ELAVL1: variants seen among roughly 807,000 people sequenced by gnomAD.
ELAVL1 encodes the protein ELAV-like protein 1.
A neutral mutation model predicts 28.4 loss-of-function variants in ELAVL1; 1 was observed. That is an observed-to-expected ratio of 0.04 (90% confidence interval 0.01 to 0.17). The LOEUF is 0.17. Ranked by LOEUF, ELAVL1 falls within the 10% of genes least tolerant of loss-of-function variation. The pLI is 1.00. For missense variants in ELAVL1, 157 were observed against 447.2 expected, an observed-to-expected ratio of 0.35 and a Z score of 5.85; for synonymous variants, 174 against 183.5, an observed-to-expected ratio of 0.95 and a Z score of 0.42.
At chr19:8,004,805 C>T (rs554671671) in intron 1 of ELAVL1, among the ~76,000 whole-genome samples, 83 of 152,248 alleles carry the variant, frequency 5.5e-4, no homozygotes, top group African/African-American at 1.8e-3. Context: ...TTTTAACAAG[C>T]CCCGCAGCCC....
chr19:7,966,938 T>C (rs1392772574), intron 5 of ELAVL1, among the ~76,000 whole-genome samples: 2 of 151,954 alleles, frequency 1.3e-5, no homozygotes, highest in African/African-American at 4.8e-5. Flanking sequence ...TCTTTAAAGC[T>C]CGCGGCTCCG....
At chr19:7,992,445 G>A (rs1734399396) in intron 1 of ELAVL1, among the ~76,000 whole-genome samples, 2 of 152,294 alleles carry the variant, frequency 1.3e-5, no homozygotes, top group African/African-American at 4.8e-5. Context: ...AAAGAAATGA[G>A]CTATTAAGCT....
chr19:7,965,276 A>G (rs1027848340), intron 5 of ELAVL1, among the ~76,000 whole-genome samples: 2 of 152,146 alleles, frequency 1.3e-5, no homozygotes, highest in African/African-American at 4.8e-5. Context: ...GAAAGGGTCT[A>G]TGTTGTCCAG....
At chr19:7,988,344 A>G (rs904599545) in intron 2 of ELAVL1, among the ~76,000 whole-genome samples, 1 of 152,132 alleles carries the variant, frequency 6.6e-6, no homozygotes, top group Non-Finnish European at 1.5e-5. Context: ...GGCAGCTGGG[A>G]GCCATGAGGT....
Position 7,959,050 on chromosome 19 carries a change from C to T in ELAVL1, c.*4433G>A, listed in dbSNP as rs574932815. ...TAAAACACTAAAGAACATTTATTCA[C>T]AAGGATTAAAAAAAAAAAATAAAAA... On this transcript the variant is annotated 3_prime_UTR_variant, in exon 6 of 6. Transcript: ENST00000407627. The T allele has an allele frequency of 2.1e-5, 3 of 140,132 alleles. No individual in the cohort carries two copies. The South Asian group carries it at 6.8e-4, about 32-fold the overall frequency. The allele number at this position is 140,132 out of a possible 1,614,324, so 8.7% of individuals were successfully genotyped here.
intron 3 of ELAVL1, among the ~76,000 whole-genome samples, chr19:7,975,801 G>A (rs1985265452): frequency 6.6e-6 from 1 of 152,214 alleles, no homozygotes; most frequent in African/African-American, 2.4e-5. Context: ...TGTGACTGAT[G>A]TCCTTATAAA....
intron 2 of ELAVL1, among the ~76,000 whole-genome samples, chr19:7,990,367 C>T (rs936941288): frequency 2.0e-5 from 3 of 147,788 alleles, no homozygotes; most frequent in Non-Finnish European, 4.5e-5. Context: ...CAAGGTCTCA[C>T]TATGTTGCCC....
intron 1 of ELAVL1, among the ~76,000 whole-genome samples, chr19:8,001,182 T>C (rs1332883582): frequency 1.3e-5 from 2 of 152,172 alleles, no homozygotes; most frequent in African/African-American, 2.4e-5. Context: ...AAGGCGAATG[T>C]ATGTCTCCCC....
Position 7,979,177 on chromosome 19 carries a change from G to A in ELAVL1, c.276+1906C>T, listed in dbSNP as rs992193405. On this transcript the variant is annotated intron_variant, in intron 3 of 5. Coordinates refer to ENST00000407627, the MANE Select transcript of ELAVL1 (RefSeq NM_001419.3). The surrounding 1 kb of genome is among the most constrained non-coding windows in gnomAD (Gnocchi z 5.4). Reference sequence around the variant, plus strand: ...TTACTTAGGGCTGTCACGTCCCCATGAGGCTGGCCTGTTTCTGCAGAACTA... The same window carrying A: ...TTACTTAGGGCTGTCACGTCCCCATAAGGCTGGCCTGTTTCTGCAGAACTA... Among the ~76,000 whole-genome samples, 2 of 152,258 alleles carry A rather than the reference G, an allele frequency of 1.3e-5. No homozygotes were observed. Among genetic ancestry groups the A allele is most frequent in the Non-Finnish European group, 2.9e-5 (2 of 68,036 alleles).
chr19:7,988,738 C>A (rs1304717253), intron 2 of ELAVL1, among the ~76,000 whole-genome samples: 3 of 152,242 alleles, frequency 2.0e-5, no homozygotes, highest in African/African-American at 7.2e-5. Flanking sequence ...TGCTCAACAC[C>A]CTGCAGTGTC....
chr19:7,963,761 T>C lies in ELAVL1; in HGVS notation c.703A>G (p.Asn235Asp). 6.2e-7 allele frequency: 1 copy of C among 1,614,252 alleles called. No homozygotes were observed. ...CCGGAGGAGGCGTTTCCTGGCACGT[T>C]GACGCCAGAGAGCCCGCTCATGTGA... ...VDHMSGLSGV[N>D]VPGNASSGWC... The change falls in exon 6 of 6, where the codon AAC becomes GAC. Residue 235 changes from asparagine (N) to aspartate (D), a missense_variant. By Grantham distance (23) the Asn-to-Asp change is conservative. Coordinates refer to ENST00000407627, the MANE Select transcript of ELAVL1 (RefSeq NM_001419.3). The surrounding 1 kb of genome is among the most constrained non-coding windows in gnomAD (Gnocchi z 4.5).
intron 1 of ELAVL1, among the ~76,000 whole-genome samples, chr19:8,004,406 C>T (rs1434534306): frequency 2.0e-5 from 3 of 152,264 alleles, no homozygotes; most frequent in African/African-American, 7.2e-5. Context: ...CTCACCTGTG[C>T]GTGTGAGAGT....
intron 1 of ELAVL1, among the ~76,000 whole-genome samples, chr19:7,992,933 G>C (rs1168788968): frequency 6.6e-6 from 1 of 152,110 alleles, no homozygotes; most frequent in Non-Finnish European, 1.5e-5. Context: ...GTGCCACCAC[G>C]CCCGGCTGAT....
At chr19:7,980,877 C>A (rs57908971) in intron 3 of ELAVL1, among the ~76,000 whole-genome samples, 1 of 152,240 alleles carries the variant, frequency 6.6e-6, no homozygotes, top group East Asian at 1.9e-4. Flanking sequence ...GCTGACGCAA[C>A]CTGGGGGCAC....
chr19:7,993,176 T>C (rs1985797449), intron 1 of ELAVL1, among the ~76,000 whole-genome samples: 1 of 152,196 alleles, frequency 6.6e-6, no homozygotes, highest in African/African-American at 2.4e-5. Context: ...TAAAAAATAG[T>C]CTATGGACAC....
chr19:7,998,930 A>G (rs2081058113), intron 1 of ELAVL1, among the ~76,000 whole-genome samples: 1 of 151,946 alleles, frequency 6.6e-6, no homozygotes, highest in South Asian at 2.1e-4. Context: ...GGTGTGTGCC[A>G]CCATACCTGG....
rs563540066 is a variant in ELAVL1 at position 7,994,404 on chromosome 19, T to A, written c.-16-2573A>T. 5.3e-5 allele frequency among the ~76,000 whole-genome samples: 8 copies of A among 152,344 alleles called. No individual in the cohort carries two copies. The South Asian group carries it at 1.7e-3, about 32-fold the overall frequency. ...CAACCAAGAATTATCTAACCCCAAA[T>A]GTCAGTACTGCCGAGGTTGGGAAAA... On this transcript the variant is annotated intron_variant, in intron 1 of 5. Transcript: ENST00000407627.
rs553395135 is a variant in ELAVL1 at position 7,984,196 on chromosome 19, C to T, written c.173-3010G>A. Among the ~76,000 whole-genome samples the T allele has an allele frequency of 2.4e-3, 361 of 152,304 alleles. 1 individual carries two copies. Among genetic ancestry groups the T allele is most frequent in the African/African-American group, 8.5e-3 (354 of 41,542 alleles). On this transcript the variant is annotated intron_variant, in intron 2 of 5. Coordinates refer to ENST00000407627, the MANE Select transcript of ELAVL1 (RefSeq NM_001419.3). ...TCAAGGAGCTGACGCATTAACTGAGCACCTACTATGTGTCAGGCCCTGTGC... is the reference window on the plus strand; with the variant it reads ...TCAAGGAGCTGACGCATTAACTGAGTACCTACTATGTGTCAGGCCCTGTGC...
chr19:7,964,466 G>A (rs776869814), intron 5 of ELAVL1, among the ~76,000 whole-genome samples: 2 of 152,142 alleles, frequency 1.3e-5, no homozygotes, highest in Non-Finnish European at 2.9e-5. Flanking sequence ...TGGGACACCA[G>A]CAACGGCAGG....
Sources: gnomAD v4.1 joint callset for allele counts (sites outside exome capture counted in the v4.1 genomes callset) on GRCh38, gnomAD v4.1.1 for gene constraint, Gnocchi (gnomAD v3.1) non-coding constraint, MANE v1.5 for transcripts, NCBI Gene and HGNC (gene_info 2026-07-23, HGNC 2026-07-21) for gene names.